The following LSM8 variants were observed in gnomAD, a reference collection of about 807,000 sequenced individuals.
LSM8 encodes the protein LSM8 U6 small nuclear RNA associated.
A neutral mutation model predicts 15.0 loss-of-function variants in LSM8; 14 were observed. The observed-to-expected ratio is 0.93, with a 90% confidence interval of 0.62 to 1.46. LSM8 has a LOEUF of 1.46. Among genes scored for constraint, LSM8 ranks in the 40% most tolerant of loss-of-function variants. The pLI, the probability that LSM8 is intolerant of heterozygous loss-of-function variation, is 0.00. For synonymous variants in LSM8, 50 were observed against 42.1 expected (o/e 1.19, Z -0.73); for missense variants, 90 against 115.4 (o/e 0.78, Z 1.01).
rs1809027507 is a variant in LSM8, at chr7:118,193,720, T to A, written c.*1718T>A. Among the ~76,000 whole-genome samples the A allele has an allele frequency of 2.6e-5, 4 of 152,038 alleles. No homozygotes were observed. The highest frequency in any genetic ancestry group is 6.6e-5 in the Admixed American group (1 of 15,258). On this transcript the variant is annotated 3_prime_UTR_variant, in exon 4 of 4. Transcript: ENST00000249299. ...TGGCATTTTGAATTGGTAAAGTAAT[T>A]CCAAAAATTAAATAAGAATACACAT... is the stretch of plus-strand genomic sequence containing the variant.
intron 2 of LSM8, among the ~76,000 whole-genome samples, chr7:118,187,183 ATTTTATTTCATTCTCTT>A (rs1187874748): frequency 1.3e-5 from 2 of 151,374 alleles, no homozygotes; most frequent in South Asian, 2.1e-4. Flanking sequence ...TTTCATTCTC[ATTTTATTTCATTCTCTT>A]TTTTATTTCA....
Position 118,192,948 on chromosome 7 carries a change from T to C in LSM8, c.*946T>C, listed in dbSNP as rs534191908. ...AAACAATGTAAGTAGTGTTTAGATA[T>C]TCAGGCTAGTCCATAAAATTTCTGA... On this transcript the variant is annotated 3_prime_UTR_variant, in exon 4 of 4. Coordinates refer to ENST00000249299, the MANE Select transcript of LSM8 (RefSeq NM_016200.5). 2 of 152,302 alleles carry C rather than the reference T, an allele frequency of 1.3e-5. No homozygotes were observed. The highest frequency in any genetic ancestry group is 6.5e-5 in the Admixed American group (1 of 15,304). 9.4% of individuals were successfully genotyped at this position (152,302 alleles called of 1,614,324 possible).
intron 3 of LSM8, chr7:118,189,791 A>G (rs1304910893): frequency 6.6e-6 from 1 of 150,412 alleles, no homozygotes. Context: ...AACCTGGTAG[A>G]TGGAGGTTGC....
Position 118,196,213 on chromosome 7 carries a change from C to T in LSM8, c.*4211C>T, listed in dbSNP as rs1440152267. On this transcript the variant is annotated 3_prime_UTR_variant, in exon 4 of 4. Coordinates refer to ENST00000249299, the MANE Select transcript of LSM8 (RefSeq NM_016200.5). Reference sequence around the variant, plus strand: ...TAGGCCAGGGAACAGTATTCTTGTGCTTGTGAAGCTTCTATCTGTCTGTAT... The same window carrying T: ...TAGGCCAGGGAACAGTATTCTTGTGTTTGTGAAGCTTCTATCTGTCTGTAT... Among the ~76,000 whole-genome samples, 1 of 152,148 alleles carries T rather than the reference C, an allele frequency of 6.6e-6. No individual in the cohort carries two copies. Among genetic ancestry groups the T allele is most frequent in the Non-Finnish European group, 1.5e-5 (1 of 68,032 alleles).
At position 118,199,835 on chromosome 7, in the gene LSM8, A is replaced by G. The variant is rs1452176691; in HGVS notation, c.*7833A>G. Among the ~76,000 whole-genome samples the G allele has an allele frequency of 2.6e-5, 4 of 152,298 alleles. No individual in the cohort carries two copies. The South Asian group carries it at 8.3e-4, about 32-fold the overall frequency. On this transcript the variant is annotated 3_prime_UTR_variant, in exon 4 of 4. Transcript: ENST00000249299. ...TGATATGAGAGCCCATAGGAGAGAC[A>G]TCTAAAGTTTAATAGCAACACTAGG...
At position 118,200,943 on chromosome 7, in the gene LSM8, T is replaced by A. The variant is rs1378204302; in HGVS notation, c.*8941T>A. On this transcript the variant is annotated 3_prime_UTR_variant, in exon 4 of 4. Coordinates refer to ENST00000249299, the MANE Select transcript of LSM8 (RefSeq NM_016200.5). ...CCCATTAGCAAACACTTTTCACATA[T>A]ACACTAATATTAGTATCTAAATTAT... Among the ~76,000 whole-genome samples, 1 of 152,086 alleles carries A rather than the reference T, an allele frequency of 6.6e-6. No homozygotes were observed. Among genetic ancestry groups the A allele is most frequent in the Non-Finnish European group, 1.5e-5 (1 of 67,998 alleles).
rs780658696 is a variant in LSM8, at chr7:118,188,261, G to C, written c.73-17G>C. On this transcript the variant is annotated splice_polypyrimidine_tract_variant and intron_variant, in intron 2 of 3. Transcript: ENST00000249299. ...ACCAGAATATTTCTCTTTTTCTCCT[G>C]AATATTTTCTTTACAGGGAACACTG... The C allele has an allele frequency of 6.2e-7, 1 of 1,611,522 alleles. No individual in the cohort carries two copies. The highest frequency in any genetic ancestry group is 8.5e-7 in the Non-Finnish European group (1 of 1,178,294).
rs1227038453 is a variant in LSM8 at position 118,193,032 on chromosome 7, T to C, written c.*1030T>C. ...GTGATGAGAAGAACATAGAAAAATATTTACATCCTTGTAATTGAAACAAAT... is the reference window on the plus strand; with the variant it reads ...GTGATGAGAAGAACATAGAAAAATACTTACATCCTTGTAATTGAAACAAAT... On this transcript the variant is annotated 3_prime_UTR_variant, in exon 4 of 4. Coordinates refer to ENST00000249299, the MANE Select transcript of LSM8 (RefSeq NM_016200.5). Among the ~76,000 whole-genome samples the C allele has an allele frequency of 6.6e-6, 1 of 152,176 alleles. No homozygotes were observed. Among genetic ancestry groups the C allele is most frequent in the Non-Finnish European group, 1.5e-5 (1 of 68,002 alleles).
chr7:118,189,291 G>A (rs1240062167), intron 3 of LSM8: 1 of 152,060 alleles, frequency 6.6e-6, no homozygotes, highest in African/African-American at 2.4e-5. Flanking sequence ...AGTGGTTCAA[G>A]CATGTAATCC....
Position 118,202,623 on chromosome 7 carries a change from A to G in LSM8, c.*10621A>G, listed in dbSNP as rs1809188601. ...ATGCCATTGGCCAGATCTTTGTCAT[A>G]TGGTTACCCTAACTACAAGGGAGGC... On this transcript the variant is annotated 3_prime_UTR_variant, in exon 4 of 4. Transcript: ENST00000249299. Among the ~76,000 whole-genome samples, 2 of 151,928 alleles carry G rather than the reference A, an allele frequency of 1.3e-5. No individual in the cohort carries two copies. Among genetic ancestry groups the G allele is most frequent in the South Asian group, 4.1e-4 (2 of 4,820 alleles).
chr7:118,184,305 G>A (rs1808844800), intron 1 of LSM8, 51 bp downstream of exon 1: 2 of 1,446,164 alleles, frequency 1.4e-6, no homozygotes, highest in African/African-American at 3.0e-5. Flanking sequence ...CGGAGAGGCC[G>A]CGGTCGGGGA....
chr7:118,187,109 TAAC>T (rs1258342108), intron 2 of LSM8, among the ~76,000 whole-genome samples: 19 of 152,234 alleles, frequency 1.2e-4, no homozygotes, highest in Non-Finnish European at 2.5e-4. Flanking sequence ...ATGTTTATGA[TAAC>T]AACCATTTGC....
Position 118,195,156 on chromosome 7 carries a change from T to C in LSM8, c.*3154T>C, listed in dbSNP as rs1809059023. Among the ~76,000 whole-genome samples the C allele has an allele frequency of 6.6e-6, 1 of 152,058 alleles. No individual in the cohort carries two copies. The highest frequency in any genetic ancestry group is 1.5e-5 in the Non-Finnish European group (1 of 67,970). ...TAAAAATTTTCTTGGGCCCTACTCG[T>C]TGTGGTTCAGCAGCTGTGTAATGGA... On this transcript the variant is annotated 3_prime_UTR_variant, in exon 4 of 4. Transcript: ENST00000249299.
At position 118,199,801 on chromosome 7, in the gene LSM8, T is replaced by G. The variant is rs374273684; in HGVS notation, c.*7799T>G. Among the ~76,000 whole-genome samples, 2 of 152,124 alleles carry G rather than the reference T, an allele frequency of 1.3e-5. No individual in the cohort carries two copies. Among genetic ancestry groups the G allele is most frequent in the South Asian group, 4.1e-4 (2 of 4,830 alleles). On this transcript the variant is annotated 3_prime_UTR_variant, in exon 4 of 4. Coordinates refer to ENST00000249299, the MANE Select transcript of LSM8 (RefSeq NM_016200.5). ...AGTAAATACTGACATGGTGAAGATA[T>G]GTATTGGGTGATATGAGAGCCCATA...
At chr7:118,187,863 A>T (rs1383913031) in intron 2 of LSM8, among the ~76,000 whole-genome samples, 2 of 152,186 alleles carry the variant, frequency 1.3e-5, no homozygotes, top group African/African-American at 4.8e-5. Flanking sequence ...GCATATAGTG[A>T]TACTATTACA....
In LSM8 at chr7:118,193,348, A is replaced by G. The variant is rs368545770; in HGVS notation, c.*1346A>G. ...CAAGTTCAATAAGAAAAAATGAACA[A>G]TTTGTATAAATTCTGGAATAGATCC... On this transcript the variant is annotated 3_prime_UTR_variant, in exon 4 of 4. Transcript: ENST00000249299. Among the ~76,000 whole-genome samples, 12 of 152,254 alleles carry G rather than the reference A, an allele frequency of 7.9e-5. No individual in the cohort carries two copies. In the South Asian group the frequency reaches 1.2e-3, roughly 16 times the overall value.
chr7:118,194,137 A>G lies in LSM8; in HGVS notation c.*2135A>G, dbSNP rs146527036. On this transcript the variant is annotated 3_prime_UTR_variant, in exon 4 of 4. Transcript: ENST00000249299. ...TTGTAAGGGAGCCACAACCATGAGT[A>G]GTAACATAATTAATATACAGTGTCA... Among the ~76,000 whole-genome samples the G allele has an allele frequency of 5.3e-4, 81 of 152,274 alleles. 1 individual carries two copies. In the East Asian group the frequency reaches 0.012, roughly 22 times the overall value.
In LSM8 at chr7:118,199,365, C is replaced by A. The variant is rs1809133114; in HGVS notation, c.*7363C>A. On this transcript the variant is annotated 3_prime_UTR_variant, in exon 4 of 4. Coordinates refer to ENST00000249299, the MANE Select transcript of LSM8 (RefSeq NM_016200.5). ...AAGTTGATTTTAGGGGATTAAAAAT[C>A]TAAGACGTTTAAGGGAACATGAATT... Among the ~76,000 whole-genome samples the A allele has an allele frequency of 6.6e-6, 1 of 152,048 alleles. No homozygotes were observed. Among genetic ancestry groups the A allele is most frequent in the Admixed American group, 6.6e-5 (1 of 15,248 alleles).
At chr7:118,187,364 A>T (rs1808905005) in intron 2 of LSM8, among the ~76,000 whole-genome samples, 1 of 152,192 alleles carries the variant, frequency 6.6e-6, no homozygotes, top group Non-Finnish European at 1.5e-5. Context: ...TCTTTTATTC[A>T]ATACTAAGCT....
Sources: allele counts gnomAD v4.1 joint callset (sites outside exome capture counted in the v4.1 genomes callset), GRCh38; gene constraint gnomAD v4.1.1; transcripts MANE v1.5; gene names NCBI Gene and HGNC (gene_info 2026-07-23, HGNC 2026-07-21).